Variants in ADGRL3 observed in about 807,000 individuals in gnomAD.
The protein encoded by ADGRL3 is adhesion G protein-coupled receptor L3, also known as calcium-independent alpha-latrotoxin receptor 3.
ADGRL3 carries 62 observed loss-of-function variants against 153.5 expected under a neutral mutation model. The observed-to-expected ratio is 0.40, with a 90% CI of 0.33 to 0.50. The LOEUF (loss-of-function observed/expected upper bound fraction) is 0.50. ADGRL3 is among the 20% of genes least tolerant of loss of function. The pLI is 0.47. For missense variants in ADGRL3, 1,641 were observed against 1,859.4 expected (o/e 0.88, Z 2.16); for synonymous variants, 710 against 672.5 (o/e 1.06, Z -0.86).
At chr4:61,738,702 C>T (rs1405719608) in intron 8 of ADGRL3, among the ~76,000 whole-genome samples, 2 of 152,086 alleles carry the variant, frequency 1.3e-5, no homozygotes, top group Non-Finnish European at 1.5e-5. Context: ...TTTAAAATCC[C>T]TACCTTTTGT....
chr4:61,875,920 T>G (rs759308562), intron 9 of ADGRL3, among the ~76,000 whole-genome samples: 2 of 152,118 alleles, frequency 1.3e-5, no homozygotes, highest in African/African-American at 2.4e-5. Context: ...GTGCAGTGGC[T>G]CACGCCTATA....
At chr4:62,053,121 C>G (rs114710173) in intron 25 of ADGRL3, among the ~76,000 whole-genome samples, 3,993 of 151,444 alleles carry the variant, frequency 0.026, 186 homozygotes, top group African/African-American at 0.093. Context: ...ACAGAGTCAT[C>G]ATTGGTTCAA....
intron 8 of ADGRL3, among the ~76,000 whole-genome samples, chr4:61,756,101 G>A (rs1172740938): frequency 6.6e-5 from 10 of 152,236 alleles, no homozygotes; most frequent in Non-Finnish European, 8.8e-5. Context: ...TTGGCAATGC[G>A]GGCTCTTTTT....
intron 5 of ADGRL3, among the ~76,000 whole-genome samples, chr4:61,596,189 TG>T (rs1441321126): frequency 2.0e-5 from 3 of 152,218 alleles, no homozygotes; most frequent in Non-Finnish European, 4.4e-5. Context: ...TGTTAAAATG[TG>T]CTGTTCCAGC....
intron 21 of ADGRL3, among the ~76,000 whole-genome samples, chr4:62,008,689 C>A (rs1443161914): frequency 6.7e-6 from 1 of 149,552 alleles, no homozygotes; most frequent in East Asian, 2.0e-4. Context: ...ATTAATATTC[C>A]AATTATAAAA....
rs568334609 is a variant in ADGRL3, at chr4:61,560,967, T to A, written c.260-26260T>A. 2.3e-3 allele frequency among the ~76,000 whole-genome samples: 350 copies of A among 152,250 alleles called. 2 individuals carry two copies. The highest frequency in any genetic ancestry group is 7.8e-3 in the African/African-American group (325 of 41,540). On this transcript the variant is annotated intron_variant, in intron 4 of 26. Coordinates refer to ENST00000683033, the MANE Select transcript of ADGRL3 (RefSeq NM_001387552.1). ...TAATAACTTGAAAAAGATATATAGA[T>A]ATTGGTAAAAGATATAGTGTCATAT...
At chr4:61,539,807 C>T (rs1230674192) in intron 4 of ADGRL3, among the ~76,000 whole-genome samples, 1 of 152,112 alleles carries the variant, frequency 6.6e-6, no homozygotes, top group Non-Finnish European at 1.5e-5. Flanking sequence ...AGCAGAGAAG[C>T]ACCCCCACCT....
At chr4:61,835,266 A>G (rs2097918038) in intron 9 of ADGRL3, among the ~76,000 whole-genome samples, 1 of 148,424 alleles carries the variant, frequency 6.7e-6, no homozygotes, top group Non-Finnish European at 1.5e-5. Flanking sequence ...GTTTTTCCCA[A>G]GGAGTCCCAG....
At chr4:62,070,047 T>TTG (rs1198655845) in intron 26 of ADGRL3, 62 bp from the exon 27 acceptor site, 6 of 1,339,568 alleles carry the variant, frequency 4.5e-6, no homozygotes, top group East Asian at 4.6e-5. Flanking sequence ...GCTTCTGTGT[T>TTG]TGTGTGTGTG....
chr4:62,058,905 C>T (rs1738528121), intron 25 of ADGRL3, among the ~76,000 whole-genome samples: 1 of 152,120 alleles, frequency 6.6e-6, no homozygotes, highest in Admixed American at 6.6e-5. Flanking sequence ...ACAGAATAGA[C>T]TTCAGCTAAG....
chr4:61,314,208 G>GTTTTTTTTTTTTT (rs372800861), intron 1 of ADGRL3, among the ~76,000 whole-genome samples: 1 of 141,996 alleles, frequency 7.0e-6, no homozygotes. Context: ...CTACTTTGAA[G>GTTTTTTTTTTTTT]TTTTTTTTTT....
intron 4 of ADGRL3, among the ~76,000 whole-genome samples, chr4:61,535,326 T>A (rs1415192699): frequency 3.3e-5 from 5 of 152,012 alleles, no homozygotes; most frequent in Admixed American, 1.3e-4. Flanking sequence ...GGATAGGGTG[T>A]TGGATTTGGT....
At chr4:61,430,032 T>A (rs2097336241) in intron 2 of ADGRL3, among the ~76,000 whole-genome samples, 1 of 152,166 alleles carries the variant, frequency 6.6e-6, no homozygotes, top group Admixed American at 6.5e-5. Context: ...CCTAACTGAA[T>A]GCTTTATCTT....
chr4:61,550,591 G>T, intron 4 of ADGRL3, among the ~76,000 whole-genome samples: 1 of 151,822 alleles, frequency 6.6e-6, no homozygotes, highest in Non-Finnish European at 1.5e-5. Flanking sequence ...TGTGGGGAGT[G>T]GTGAATCAGT....
chr4:61,290,507 G>T (rs541921412), intron 1 of ADGRL3, among the ~76,000 whole-genome samples: 1 of 152,066 alleles, frequency 6.6e-6, no homozygotes, highest in East Asian at 1.9e-4. Flanking sequence ...AGCCAGGTGT[G>T]GTGGCTTATG....
chr4:62,062,847 GCAT>G (rs1365867757), intron 25 of ADGRL3, among the ~76,000 whole-genome samples: 1 of 151,996 alleles, frequency 6.6e-6, no homozygotes, highest in Non-Finnish European at 1.5e-5. Context: ...TTTAAAAATA[GCAT>G]CTATATGTTT....
At chr4:61,673,034 A>T (rs370625324) in intron 5 of ADGRL3, among the ~76,000 whole-genome samples, 8 of 151,986 alleles carry the variant, frequency 5.3e-5, no homozygotes, top group East Asian at 1.9e-4. Context: ...ATTTGTGATA[A>T]CATGTATGAA....
At chr4:61,634,877 T>C (rs1442729028) in intron 5 of ADGRL3, among the ~76,000 whole-genome samples, 1 of 152,188 alleles carries the variant, frequency 6.6e-6, no homozygotes, top group Non-Finnish European at 1.5e-5. Flanking sequence ...ATGACTTTAA[T>C]TTTTGGAATG....
intron 1 of ADGRL3, among the ~76,000 whole-genome samples, chr4:61,245,358 A>T (rs1756634513): frequency 6.6e-6 from 1 of 152,142 alleles, no homozygotes; most frequent in Admixed American, 6.6e-5. Flanking sequence ...AAATACATTT[A>T]AAAAATTTCT....
Sources: gnomAD v4.1 joint callset for allele counts (sites outside exome capture counted in the v4.1 genomes callset) on GRCh38, gnomAD v4.1.1 for gene constraint, MANE v1.5 for transcripts, NCBI Gene and HGNC (gene_info 2026-07-23, HGNC 2026-07-21) for gene names.